Variants in PDE4D observed in about 807,000 individuals in gnomAD.
PDE4D encodes 3',5'-cyclic-AMP phosphodiesterase 4D.
A neutral mutation model predicts 87.4 loss-of-function variants in PDE4D; 24 were observed. The ratio of observed to expected loss-of-function variants is 0.27; its 90% confidence interval spans 0.20 to 0.39. The LOEUF (loss-of-function observed/expected upper bound fraction) is 0.39. Ranked by LOEUF, PDE4D falls within the 10% of genes least tolerant of loss-of-function variation. The probability of loss-of-function intolerance (pLI) is 1.00; values close to 1 mark genes in which losing one functional copy is unlikely to be tolerated. For missense variants in PDE4D, 714 were observed against 1,041.0 expected (o/e 0.69, Z 4.32); for synonymous variants, 384 against 383.2 (o/e 1.00, Z -0.02).
chr5:59,379,451 G>A (rs1257329666), intron 1 of PDE4D, among the ~76,000 whole-genome samples: 2 of 151,804 alleles, frequency 1.3e-5, no homozygotes, highest in Admixed American at 1.3e-4. Flanking sequence ...GAGGCAACTT[G>A]TAAATCTGGC....
chr5:59,142,560 G>A (rs576680240), intron 5 of PDE4D, among the ~76,000 whole-genome samples: 6 of 152,338 alleles, frequency 3.9e-5, no homozygotes, highest in East Asian at 3.9e-4. Context: ...GCCTAAAGGC[G>A]AGCCTTTTTG....
intron 1 of PDE4D, among the ~76,000 whole-genome samples, chr5:60,260,177 T>A (rs911678971): frequency 3.0e-4 from 45 of 152,036 alleles, no homozygotes; most frequent in African/African-American, 1.0e-3. Flanking sequence ...TCTGTTAACA[T>A]CCCATGGAAA....
At chr5:59,844,014 C>T (rs1319646105) in intron 1 of PDE4D, among the ~76,000 whole-genome samples, 2 of 152,044 alleles carry the variant, frequency 1.3e-5, no homozygotes, top group Non-Finnish European at 2.9e-5. Flanking sequence ...GTCTGTTATA[C>T]TCACCACCCT....
intron 1 of PDE4D, among the ~76,000 whole-genome samples, chr5:59,780,876 G>T (rs1454582349): frequency 6.6e-6 from 1 of 152,126 alleles, no homozygotes; most frequent in Non-Finnish European, 1.5e-5. Flanking sequence ...TTATCTAAAA[G>T]CGATGGTGAG....
At chr5:59,052,331 G>T (rs929286775) in intron 5 of PDE4D, among the ~76,000 whole-genome samples, 2 of 152,194 alleles carry the variant, frequency 1.3e-5, no homozygotes, top group African/African-American at 4.8e-5. Context: ...TGTAGGAAAT[G>T]TCTGCAGCCT....
At chr5:60,316,463 T>C (rs961436170) in intron 1 of PDE4D, among the ~76,000 whole-genome samples, 1 of 152,226 alleles carries the variant, frequency 6.6e-6, no homozygotes, top group African/African-American at 2.4e-5. Flanking sequence ...TTTTCCTAAT[T>C]GAATACCCTT....
At chr5:59,079,162 T>C (rs997651368) in intron 5 of PDE4D, among the ~76,000 whole-genome samples, 9 of 152,230 alleles carry the variant, frequency 5.9e-5, no homozygotes, top group Middle Eastern at 3.4e-3. Context: ...CATCACTAAG[T>C]GGATACTTTC....
chr5:60,496,849 T>C (rs182737320), intron 1 of PDE4D, among the ~76,000 whole-genome samples: 40 of 152,352 alleles, frequency 2.6e-4, no homozygotes, highest in African/African-American at 9.4e-4. Context: ...ATATTTCTAG[T>C]AATATGACTG....
chr5:59,537,271 G>C (rs763991698), intron 1 of PDE4D, among the ~76,000 whole-genome samples: 1 of 152,206 alleles, frequency 6.6e-6, no homozygotes, highest in Non-Finnish European at 1.5e-5. Context: ...TTATGTATGA[G>C]CAGAAAGTTT....
At chr5:59,901,838 T>C (rs1752293836) in intron 3 of PDE4D, among the ~76,000 whole-genome samples, 1 of 151,684 alleles carries the variant, frequency 6.6e-6, no homozygotes. Context: ...CAATTTACCA[T>C]TATCTGGTAA....
At chr5:59,368,749 A>T (rs557254573) in intron 1 of PDE4D, among the ~76,000 whole-genome samples, 1 of 152,320 alleles carries the variant, frequency 6.6e-6, no homozygotes, top group African/African-American at 2.4e-5. Flanking sequence ...ATTCAGTTGA[A>T]CAATTGATTG....
At chr5:60,081,704 GA>G (rs1582557400) in intron 2 of PDE4D, among the ~76,000 whole-genome samples, 1 of 151,714 alleles carries the variant, frequency 6.6e-6, no homozygotes, top group African/African-American at 2.4e-5. Context: ...TGTGGATTTT[GA>G]GTGAGTTTCT....
chr5:60,155,652 CT>C (rs1333481866), intron 2 of PDE4D, among the ~76,000 whole-genome samples: 1 of 152,166 alleles, frequency 6.6e-6, no homozygotes, highest in Non-Finnish European at 1.5e-5. Flanking sequence ...GTGGAAATGA[CT>C]TATAAACCTT....
intron 1 of PDE4D, among the ~76,000 whole-genome samples, chr5:59,339,627 T>C (rs1278251049): frequency 1.3e-5 from 2 of 152,192 alleles, no homozygotes; most frequent in African/African-American, 2.4e-5. Flanking sequence ...TGCAGAGCAG[T>C]TGCAGGGACC....
chr5:60,068,595 T>TATC (rs1372102418), intron 2 of PDE4D, among the ~76,000 whole-genome samples: 1 of 151,816 alleles, frequency 6.6e-6, no homozygotes, highest in African/African-American at 2.4e-5. Context: ...TATTAATTAT[T>TATC]ATTATTACTA....
intron 1 of PDE4D, among the ~76,000 whole-genome samples, chr5:59,235,730 AT>A (rs1305389333): frequency 6.6e-6 from 1 of 152,180 alleles, no homozygotes; most frequent in Non-Finnish European, 1.5e-5. Flanking sequence ...GCTGAAATGA[AT>A]GGATGTGCTT....
intron 1 of PDE4D, among the ~76,000 whole-genome samples, chr5:59,718,707 T>A (rs1186522226): frequency 1.3e-5 from 2 of 152,136 alleles, no homozygotes; most frequent in African/African-American, 2.4e-5. Context: ...CTAAAAAAAA[T>A]TCATTTTCTT....
rs138368927 is a variant in PDE4D at position 59,247,455 on chromosome 5, T to C, written c.456-31487A>G. Among the ~76,000 whole-genome samples the C allele has an allele frequency of 1.8e-3, 268 of 152,232 alleles. 3 individuals are homozygous for C. Among genetic ancestry groups the C allele is most frequent in the African/African-American group, 5.8e-3 (243 of 41,550 alleles). Reference sequence around the variant, plus strand: ...AGGGCAACTTCAATTTCCCAGAGCCTCCGTAATGGGCACTTTAGGAGAGGT... The same window carrying C: ...AGGGCAACTTCAATTTCCCAGAGCCCCCGTAATGGGCACTTTAGGAGAGGT... On this transcript the variant is annotated intron_variant, in intron 1 of 14. Transcript: ENST00000340635.
chr5:60,026,698 C>A (rs1308873451), intron 2 of PDE4D, among the ~76,000 whole-genome samples: 2 of 152,160 alleles, frequency 1.3e-5, no homozygotes, highest in Non-Finnish European at 2.9e-5. Context: ...TAGCCCCATG[C>A]AACACATTTT....
Sources: allele counts gnomAD v4.1 joint callset (sites outside exome capture counted in the v4.1 genomes callset), GRCh38; gene constraint gnomAD v4.1.1; transcripts MANE v1.5; gene names NCBI Gene and HGNC (gene_info 2026-07-23, HGNC 2026-07-21).